PCCA: variants seen among roughly 807,000 people sequenced by gnomAD.
PCCA encodes propionyl-CoA carboxylase subunit alpha, also known as propionyl-CoA carboxylase alpha chain, mitochondrial.
A neutral mutation model predicts 101.3 loss-of-function variants in PCCA; 74 were observed. The ratio of observed to expected loss-of-function variants is 0.73; its 90% confidence interval spans 0.61 to 0.89. The LOEUF is 0.89. Among genes scored for constraint, PCCA ranks in the 40% least tolerant of loss-of-function variants. PCCA has a pLI of 0.00. For missense variants in PCCA, 891 were observed against 907.0 expected (o/e 0.98, Z 0.23); for synonymous variants, 294 against 313.6 (o/e 0.94, Z 0.66).
chr13:100,479,936 T>G (rs1356170351), intron 21 of PCCA, among the ~76,000 whole-genome samples: 2 of 152,196 alleles, frequency 1.3e-5, no homozygotes, highest in Non-Finnish European at 2.9e-5. Flanking sequence ...AGGTACCCCC[T>G]TGCCTACCTG....
Position 100,098,559 on chromosome 13 carries a change from A to G in PCCA, c.106-4324A>G, listed in dbSNP as rs114231693. ...ATGGAGAGCTGTATAGTTGAGGAACATGGTCGAGATGAGGGTGCAGGTGTG... is the reference window on the plus strand; with the variant it reads ...ATGGAGAGCTGTATAGTTGAGGAACGTGGTCGAGATGAGGGTGCAGGTGTG... On this transcript the variant is annotated intron_variant, in intron 1 of 23. Coordinates refer to ENST00000376285, the MANE Select transcript of PCCA (RefSeq NM_000282.4). Among the ~76,000 whole-genome samples the G allele has an allele frequency of 3.7e-3, 567 of 152,284 alleles. 5 individuals are homozygous for G. Among genetic ancestry groups the G allele is most frequent in the African/African-American group, 0.013 (548 of 41,562 alleles).
At chr13:100,506,361 C>T (rs2086077406) in intron 21 of PCCA, among the ~76,000 whole-genome samples, 1 of 149,444 alleles carries the variant, frequency 6.7e-6, no homozygotes. Flanking sequence ...CTACTTCAGA[C>T]CAGAAACCTT....
chr13:100,527,483 A>G, intron 22 of PCCA, 192 bp from the exon 23 acceptor site: 1 of 624,712 alleles, frequency 1.6e-6, no homozygotes, highest in South Asian at 1.7e-5. Context: ...CGAGGACTTT[A>G]TGAGAGAGAG....
At chr13:100,131,477 A>C (rs538341973) in intron 4 of PCCA, among the ~76,000 whole-genome samples, 5 of 152,316 alleles carry the variant, frequency 3.3e-5, no homozygotes, top group Non-Finnish European at 7.3e-5. Context: ...TCTCATCTGG[A>C]GAGCTTGCAG....
intron 22 of PCCA, among the ~76,000 whole-genome samples, chr13:100,522,709 G>A (rs557247098): frequency 2.1e-3 from 315 of 152,206 alleles, no homozygotes; most frequent in Non-Finnish European, 3.7e-3. Flanking sequence ...GTTACTCCCC[G>A]TCTGTTCCAA....
At chr13:100,375,096 A>G (rs542243878) in intron 19 of PCCA, among the ~76,000 whole-genome samples, 24 of 152,152 alleles carry the variant, frequency 1.6e-4, no homozygotes, top group African/African-American at 5.8e-4. Context: ...CAAAGAACTT[A>G]TTTATTTGTG....
intron 21 of PCCA, among the ~76,000 whole-genome samples, chr13:100,469,402 G>C (rs113776623): frequency 0.098 from 14,916 of 151,918 alleles, 1,180 homozygotes; most frequent in African/African-American, 0.22. Flanking sequence ...TGACAAGGTG[G>C]GTCTCAGACG....
chr13:100,254,377 G>T (rs2061946134), intron 8 of PCCA, among the ~76,000 whole-genome samples: 1 of 152,172 alleles, frequency 6.6e-6, no homozygotes, highest in African/African-American at 2.4e-5. Context: ...ATAGACAAGA[G>T]TCAAGCACAG....
At chr13:100,215,290 A>G (rs948316774) in intron 7 of PCCA, among the ~76,000 whole-genome samples, 12 of 152,228 alleles carry the variant, frequency 7.9e-5, no homozygotes, top group Admixed American at 3.9e-4. Flanking sequence ...TACCAAGTGC[A>G]CGCAATTTGT....
At chr13:100,426,280 A>G (rs1383632867) in intron 20 of PCCA, among the ~76,000 whole-genome samples, 2 of 152,012 alleles carry the variant, frequency 1.3e-5, no homozygotes, top group Non-Finnish European at 2.9e-5. Flanking sequence ...TGTGACTTCC[A>G]TTTTAAAGTA....
chr13:100,487,489 G>C (rs1596133578), intron 21 of PCCA, among the ~76,000 whole-genome samples: 1 of 152,202 alleles, frequency 6.6e-6, no homozygotes, highest in Non-Finnish European at 1.5e-5. Flanking sequence ...TGTGTGGTGT[G>C]ATGTTTAAAA....
chr13:100,105,862 AAAAAAAAAAAAAAAAG>A (rs1457445801), intron 2 of PCCA, among the ~76,000 whole-genome samples: 6 of 149,774 alleles, frequency 4.0e-5, no homozygotes, highest in East Asian at 3.9e-4. Flanking sequence ...AAAAAAAAAA[AAAAAAAAAAAAAAAAG>A]AAAAGAAAAG....
chr13:100,098,838 G>A (rs976917750), intron 1 of PCCA, among the ~76,000 whole-genome samples: 1 of 152,110 alleles, frequency 6.6e-6, no homozygotes, highest in East Asian at 1.9e-4. Context: ...AGATTGGAAT[G>A]GTCTCTAAGA....
intron 16 of PCCA, among the ~76,000 whole-genome samples, chr13:100,322,457 T>C (rs1013849634): frequency 1.3e-5 from 2 of 152,132 alleles, no homozygotes; most frequent in African/African-American, 2.4e-5. Flanking sequence ...CAATAAACTG[T>C]GTCTTAAAAA....
intron 21 of PCCA, among the ~76,000 whole-genome samples, chr13:100,486,166 C>T (rs1196793356): frequency 6.6e-6 from 1 of 152,234 alleles, no homozygotes; most frequent in African/African-American, 2.4e-5. Flanking sequence ...CTGGCTGGCC[C>T]ATCTCATCTT....
At chr13:100,116,850 TTTTTG>T (rs59718655) in intron 4 of PCCA, among the ~76,000 whole-genome samples, 69,507 of 151,002 alleles carry the variant, frequency 0.46, 16,818 homozygotes, top group East Asian at 0.69. Flanking sequence ...CATATGCTTC[TTTTTG>T]TTTTGTTTTG....
intron 19 of PCCA, among the ~76,000 whole-genome samples, 195 bp from the exon 20 acceptor site, chr13:100,425,438 G>A (rs745925039): frequency 6.6e-6 from 1 of 152,222 alleles, no homozygotes; most frequent in Non-Finnish European, 1.5e-5. Flanking sequence ...CTGTTCACAG[G>A]TCCTTCACCT....
rs527561128 is a variant in PCCA at position 100,487,387 on chromosome 13, T to C, written c.1900-28040T>C. 3.6e-4 allele frequency among the ~76,000 whole-genome samples: 55 copies of C among 152,242 alleles called. 1 individual carries two copies. The highest frequency in any genetic ancestry group is 7.1e-4 in the Non-Finnish European group (48 of 68,040). ...CTGGGAAAAACTTCAAATCACTGAA[T>C]GACGTGTTAACCAAGTTTCTGACTT... is the stretch of plus-strand genomic sequence containing the variant. On this transcript the variant is annotated intron_variant, in intron 21 of 23. Coordinates refer to ENST00000376285, the MANE Select transcript of PCCA (RefSeq NM_000282.4).
intron 8 of PCCA, among the ~76,000 whole-genome samples, chr13:100,246,861 A>G (rs988581012): frequency 1.7e-4 from 26 of 151,476 alleles, no homozygotes; most frequent in African/African-American, 6.1e-4. Context: ...AAAACTCAAG[A>G]GGTCAAACCT....
Sources: gnomAD v4.1 joint callset for allele counts (sites outside exome capture counted in the v4.1 genomes callset) on GRCh38, gnomAD v4.1.1 for gene constraint, MANE v1.5 for transcripts, NCBI Gene and HGNC (gene_info 2026-07-23, HGNC 2026-07-21) for gene names.